Variants in RBFOX1 observed in about 807,000 individuals in gnomAD.
RBFOX1 encodes the protein RNA binding fox-1 homolog 1.
RBFOX1 carries 8 observed loss-of-function variants against 57.7 expected under a neutral mutation model. The ratio of observed to expected loss-of-function variants is 0.14; its 90% CI spans 0.08 to 0.25. The LOEUF (loss-of-function observed/expected upper bound fraction) is 0.25. Ranked by LOEUF, RBFOX1 falls within the 10% of genes least tolerant of loss-of-function variation. The pLI is 1.00. For missense variants in RBFOX1, 611 were observed against 548.5 expected, an observed-to-expected ratio of 1.11 and a Z score of -1.14; for synonymous variants, 326 against 222.4, an observed-to-expected ratio of 1.47 and a Z score of -4.15.
rs116201049 is a variant in RBFOX1, at chr16:6,498,290, C to G, written c.-63-156313C>G. 5.8e-3 allele frequency among the ~76,000 whole-genome samples: 875 copies of G among 151,040 alleles called. 5 individuals are homozygous for G. Among genetic ancestry groups the G allele is most frequent in the East Asian group, 0.026 (134 of 5,128 alleles). On this transcript the variant is annotated intron_variant, in intron 2 of 15. Coordinates refer to ENST00000550418, the MANE Select transcript of RBFOX1 (RefSeq NM_018723.4). Reference sequence around the variant, plus strand: ...AAAAAAGGATGACAATTCCAGATAGCTATTCCTAGGTTGATAAAATTACTG... The same window carrying G: ...AAAAAAGGATGACAATTCCAGATAGGTATTCCTAGGTTGATAAAATTACTG...
chr16:6,515,392 C>T (rs1318603277), intron 2 of RBFOX1, among the ~76,000 whole-genome samples: 3 of 152,170 alleles, frequency 2.0e-5, no homozygotes, highest in Non-Finnish European at 4.4e-5. Flanking sequence ...TACGTAAAAC[C>T]AAACATATGA....
intron 3 of RBFOX1, among the ~76,000 whole-genome samples, chr16:5,616,507 G>C (rs550332122): frequency 7.2e-5 from 11 of 151,844 alleles, no homozygotes; most frequent in African/African-American, 4.8e-5. Context: ...CCGTGAATAC[G>C]AGCTCTTGGA....
intron 3 of RBFOX1, among the ~76,000 whole-genome samples, chr16:6,711,780 C>T (rs369756479): frequency 2.6e-5 from 4 of 152,192 alleles, no homozygotes; most frequent in South Asian, 2.1e-4. Flanking sequence ...TTCTAGACTT[C>T]GTTTTCTTTC....
At chr16:5,496,900 G>A (rs2043019825) in intron 2 of RBFOX1, among the ~76,000 whole-genome samples, 1 of 152,170 alleles carries the variant, frequency 6.6e-6, no homozygotes, top group Non-Finnish European at 1.5e-5. Context: ...TGCCACCATT[G>A]ATTTTCCATG....
intron 2 of RBFOX1, among the ~76,000 whole-genome samples, chr16:5,541,941 C>T (rs918604949): frequency 6.6e-6 from 1 of 152,056 alleles, no homozygotes; most frequent in African/African-American, 2.4e-5. Flanking sequence ...TTTTTAGTTA[C>T]ATGAATAATT....
intron 1 of RBFOX1, among the ~76,000 whole-genome samples, chr16:5,372,092 C>T (rs2065872386): frequency 6.6e-6 from 1 of 152,186 alleles, no homozygotes; most frequent in African/African-American, 2.4e-5. Flanking sequence ...TCCTTTGCAG[C>T]CCAGTGGGTC....
At chr16:5,480,997 G>A (rs529472747) in intron 2 of RBFOX1, among the ~76,000 whole-genome samples, 1 of 152,306 alleles carries the variant, frequency 6.6e-6, no homozygotes, top group African/African-American at 2.4e-5. Context: ...ATTCATGCAG[G>A]TTGTAGCAAC....
At chr16:6,394,280 G>A (rs1347279765) in intron 2 of RBFOX1, among the ~76,000 whole-genome samples, 1 of 152,160 alleles carries the variant, frequency 6.6e-6, no homozygotes, top group Non-Finnish European at 1.5e-5. Flanking sequence ...GCTGATCGAG[G>A]CATATTGTGG....
intron 3 of RBFOX1, among the ~76,000 whole-genome samples, chr16:5,834,687 G>GTAGA (rs151197873): frequency 0.42 from 56,089 of 134,484 alleles, 12,283 homozygotes; most frequent in East Asian, 0.61. Context: ...AATGGGATAG[G>GTAGA]TAGATAGATA....
At chr16:6,960,422 C>T (rs549812198) in intron 3 of RBFOX1, among the ~76,000 whole-genome samples, 1 of 152,180 alleles carries the variant, frequency 6.6e-6, no homozygotes, top group Non-Finnish European at 1.5e-5. Flanking sequence ...GGCCTTCTCC[C>T]TGTACCCGGT....
chr16:7,496,596 G>T lies in RBFOX1; in HGVS notation c.28-21551G>T, dbSNP rs1317624990. ...AATACCATTTCTGTACCCCCAAAGT[G>T]TGTGTTCAAGTACTTGTCCACATTC... On this transcript the variant is annotated intron_variant, in intron 4 of 15. Coordinates refer to ENST00000550418, the MANE Select transcript of RBFOX1 (RefSeq NM_018723.4). Among the ~76,000 whole-genome samples, 11 of 152,042 alleles carry T rather than the reference G, an allele frequency of 7.2e-5. No homozygotes were observed. The South Asian group carries it at 1.9e-3, about 26-fold the overall frequency.
chr16:7,353,719 T>A (rs1282572628), intron 4 of RBFOX1, among the ~76,000 whole-genome samples: 1 of 152,210 alleles, frequency 6.6e-6, no homozygotes, highest in African/African-American at 2.4e-5. Context: ...GACTACATAT[T>A]GTATGATTCG....
intron 2 of RBFOX1, among the ~76,000 whole-genome samples, chr16:5,581,796 G>T (rs939808465): frequency 6.6e-6 from 1 of 152,112 alleles, no homozygotes; most frequent in Non-Finnish European, 1.5e-5. Context: ...GGAGCGAGTG[G>T]GAGGCAGACC....
intron 2 of RBFOX1, among the ~76,000 whole-genome samples, chr16:6,487,749 ATATAT>A (rs1567406014): frequency 6.6e-4 from 52 of 78,782 alleles, no homozygotes; most frequent in African/African-American, 2.3e-3. Context: ...ATATATATAT[ATATAT>A]AAAATATTAT....
At chr16:5,956,267 CTG>C (rs1459437881) in intron 4 of RBFOX1, among the ~76,000 whole-genome samples, 1 of 152,134 alleles carries the variant, frequency 6.6e-6, no homozygotes, top group Non-Finnish European at 1.5e-5. Flanking sequence ...TGGAGTGAAA[CTG>C]TTTCAAAATG....
intron 1 of RBFOX1, among the ~76,000 whole-genome samples, chr16:6,201,733 A>C (rs2097216793): frequency 6.6e-6 from 1 of 152,190 alleles, no homozygotes; most frequent in African/African-American, 2.4e-5. Flanking sequence ...CAGTTACCTT[A>C]ATTTGATCCT....
intron 3 of RBFOX1, among the ~76,000 whole-genome samples, chr16:5,717,842 A>G (rs1013352524): frequency 6.6e-6 from 1 of 152,216 alleles, no homozygotes; most frequent in Non-Finnish European, 1.5e-5. Flanking sequence ...TGTCAGATAG[A>G]TAGGTATTTT....
intron 3 of RBFOX1, among the ~76,000 whole-genome samples, chr16:6,955,938 G>A (rs911072106): frequency 4.0e-5 from 6 of 150,020 alleles, no homozygotes; most frequent in Admixed American, 6.6e-5. Context: ...ACTCCTGTCC[G>A]CAGGTGATCC....
chr16:6,657,127 C>CCTCTT (rs756130051), intron 3 of RBFOX1, among the ~76,000 whole-genome samples: 4 of 147,284 alleles, frequency 2.7e-5, no homozygotes, highest in Non-Finnish European at 6.0e-5. Context: ...CCTCTCCTCT[C>CCTCTT]CTCTCCTCTT....
Sources: gnomAD v4.1 joint callset for allele counts (sites outside exome capture counted in the v4.1 genomes callset) on GRCh38, gnomAD v4.1.1 for gene constraint, MANE v1.5 for transcripts, NCBI Gene and HGNC (gene_info 2026-07-23, HGNC 2026-07-21) for gene names.